The following CEMIP variants were observed in gnomAD, a reference collection of about 807,000 sequenced individuals.
CEMIP encodes the protein cell migration-inducing and hyaluronan-binding protein.
Under a neutral mutation model 156.9 loss-of-function variants are expected in CEMIP, and 105 were observed. The observed-to-expected ratio is 0.67, with a 90% confidence interval of 0.57 to 0.79. The LOEUF is 0.79. Among genes scored for constraint, CEMIP ranks in the 30% least tolerant of loss-of-function variants. CEMIP has a pLI of 0.00. For missense variants in CEMIP, 1,457 were observed against 1,769.4 expected (o/e 0.82, Z 3.17); for synonymous variants, 676 against 668.4 (o/e 1.01, Z -0.17).
intron 14 of CEMIP, among the ~76,000 whole-genome samples, chr15:80,914,337 C>T (rs1340384565): frequency 6.6e-6 from 1 of 152,206 alleles, no homozygotes; most frequent in Non-Finnish European, 1.5e-5. Flanking sequence ...ATACCATGCT[C>T]TTTCCTTCTT....
At chr15:80,924,757 C>G (rs1426674349) in intron 18 of CEMIP, 51 bp downstream of exon 18, 1 of 1,421,110 alleles carries the variant, frequency 7.0e-7, no homozygotes, top group Non-Finnish European at 9.9e-7. Flanking sequence ...CAGTCCAGCT[C>G]CTGCCTCCCC....
chr15:80,810,467 A>T (rs990340814), intron 1 of CEMIP, among the ~76,000 whole-genome samples: 1 of 152,190 alleles, frequency 6.6e-6, no homozygotes, highest in Admixed American at 6.5e-5. Flanking sequence ...TTCCGGATTC[A>T]TGCCATTCTC....
intron 1 of CEMIP, among the ~76,000 whole-genome samples, chr15:80,813,343 A>G (rs1896713308): frequency 6.8e-6 from 1 of 146,454 alleles, no homozygotes; most frequent in Non-Finnish European, 1.5e-5. Context: ...TAGGAGCAGC[A>G]GTACGGATTT....
chr15:80,812,437 T>C, intron 1 of CEMIP, among the ~76,000 whole-genome samples: 1 of 152,322 alleles, frequency 6.6e-6, no homozygotes, highest in African/African-American at 2.4e-5. Flanking sequence ...ATTCAAATCC[T>C]AGCTCCACCG....
In CEMIP at chr15:80,906,537, G is replaced by A. The variant is rs1262908500; in HGVS notation, c.1412-126G>A. On this transcript the variant is annotated intron_variant, in intron 12 of 29. Coordinates refer to ENST00000394685, the MANE Select transcript of CEMIP (RefSeq NM_001293298.2). The surrounding 1 kb of genome is among the most constrained non-coding windows in gnomAD (Gnocchi z 4.3). ...CCTGACCTTCATCCTTCTGTAACATGAGACCACTGTGCACACCAGGCATGG... is the reference window on the plus strand; with the variant it reads ...CCTGACCTTCATCCTTCTGTAACATAAGACCACTGTGCACACCAGGCATGG... 3.3e-6 allele frequency: 3 copies of A among 904,122 alleles called. No individual in the cohort carries two copies. The highest frequency in any genetic ancestry group is 5.0e-5 in the East Asian group (2 of 40,100). 56.0% of individuals were successfully genotyped at this position (904,122 alleles called of 1,614,324 possible).
chr15:80,870,752 TC>T (rs766628160), intron 1 of CEMIP, among the ~76,000 whole-genome samples: 1 of 152,208 alleles, frequency 6.6e-6, no homozygotes, highest in Non-Finnish European at 1.5e-5. Context: ...CAGCCGAGCT[TC>T]TGGAAAATTT....
chr15:80,910,327 T>C (rs1255960051), intron 14 of CEMIP, among the ~76,000 whole-genome samples: 2 of 152,194 alleles, frequency 1.3e-5, no homozygotes, highest in East Asian at 3.9e-4. Flanking sequence ...TTCTCCAGTG[T>C]GCAGCAGGCC....
At chr15:80,881,217 C>A in intron 6 of CEMIP, 81 bp downstream of exon 6, 1 of 1,244,882 alleles carries the variant, frequency 8.0e-7, no homozygotes, top group Non-Finnish European at 1.2e-6. Flanking sequence ...AGGTGCCGCT[C>A]TAGGTGCTGG....
chr15:80,926,508 G>C (rs567792150), intron 19 of CEMIP, among the ~76,000 whole-genome samples: 2 of 152,128 alleles, frequency 1.3e-5, no homozygotes, highest in Non-Finnish European at 2.9e-5. Context: ...AGGTGAAAGG[G>C]AACAAGAGAA....
chr15:80,832,935 A>G (rs905449787), intron 1 of CEMIP, among the ~76,000 whole-genome samples: 10 of 152,136 alleles, frequency 6.6e-5, no homozygotes, highest in African/African-American at 2.2e-4. Flanking sequence ...AAACCTCCCC[A>G]GGGGCTACAG....
At position 80,878,771 on chromosome 15, in the gene CEMIP, G is replaced by A. The variant is rs1898550832; in HGVS notation, c.145G>A (p.Gly49Ser). 1 of 1,614,002 alleles carries A rather than the reference G, an allele frequency of 6.2e-7. No homozygotes were observed. Among genetic ancestry groups the A allele is most frequent in the African/African-American group, 1.3e-5 (1 of 74,906 alleles). ...QSPELQPWNP[G>S]HDQDHHVHIG... ...CCCTGAGTTGCAACCCTGGAACCCTGGCCATGACCAAGACCACCATGTGCA... is the reference window on the plus strand; with the variant it reads ...CCCTGAGTTGCAACCCTGGAACCCTAGCCATGACCAAGACCACCATGTGCA... Residue 49 changes from glycine (G) to serine (S), a missense_variant, in exon 4 of 30, where the codon GGC becomes AGC. Gly to Ser is a moderately conservative substitution (Grantham distance 56, BLOSUM62 0). Around this residue, in one of 5 missense-constraint regions of CEMIP, gnomAD observed 309 missense variants for 340.8 expected, o/e 0.91. Coordinates refer to ENST00000394685, the MANE Select transcript of CEMIP (RefSeq NM_001293298.2).
chr15:80,903,303 C>G (rs1042403839), intron 12 of CEMIP: 1 of 152,260 alleles, frequency 6.6e-6, no homozygotes, highest in Non-Finnish European at 1.5e-5. Flanking sequence ...CGGGGAGGCT[C>G]GGCCTGGTTT....
chr15:80,892,651 C>T (rs896485197), intron 10 of CEMIP, among the ~76,000 whole-genome samples: 3 of 152,184 alleles, frequency 2.0e-5, no homozygotes, highest in East Asian at 3.9e-4. Context: ...GAGGTGCCCA[C>T]GGTGCAAAAT....
At chr15:80,841,712 T>C (rs1897424047) in intron 1 of CEMIP, among the ~76,000 whole-genome samples, 1 of 151,894 alleles carries the variant, frequency 6.6e-6, no homozygotes, top group Non-Finnish European at 1.5e-5. Flanking sequence ...CTCCAGGGGG[T>C]GTTGGCCAAT....
At chr15:80,926,067 G>C (rs1900654801) in intron 19 of CEMIP, among the ~76,000 whole-genome samples, 1 of 152,256 alleles carries the variant, frequency 6.6e-6, no homozygotes, top group Admixed American at 6.5e-5. Flanking sequence ...GAAGAAGAAA[G>C]AAGCCAGAAC....
chr15:80,907,895 G>A (rs936331112), intron 13 of CEMIP, among the ~76,000 whole-genome samples: 22 of 152,136 alleles, frequency 1.4e-4, no homozygotes, highest in African/African-American at 4.1e-4. Context: ...CTAATATCAC[G>A]CACTTTAAGG....
intron 1 of CEMIP, among the ~76,000 whole-genome samples, chr15:80,783,419 C>G (rs1254882735): frequency 4.6e-5 from 7 of 152,236 alleles, no homozygotes; most frequent in African/African-American, 1.7e-4. Flanking sequence ...CTATCTCTCA[C>G]TGCTTGTTTT....
rs777320543 is a variant in CEMIP at position 80,925,662 on chromosome 15, G to A, written c.2327G>A (p.Arg776Gln). The A allele has an allele frequency of 8.7e-6, 14 of 1,613,492 alleles. No homozygotes were observed. The African/African-American group carries it at 1.3e-4, about 15-fold the overall frequency. The stretch of plus-strand genomic sequence containing the variant: ...CAGGACGCCGACCCGCTGAAGCCCC[G>A]GGAGCCGGCCATCATCAGACACTTC... Reference protein sequence around the residue: ...PHQDADPLKPREPAIIRHFIA... With the variant: ...PHQDADPLKPQEPAIIRHFIA... The change falls in exon 19 of 30, where the codon CGG becomes CAG. Residue 776 changes from arginine to glutamine, a missense_variant. Coordinates refer to ENST00000394685, the MANE Select transcript of CEMIP (RefSeq NM_001293298.2).
Position 80,949,111 on chromosome 15 carries a change from G to A in CEMIP, c.*187G>A. 1 of 751,864 alleles carries A rather than the reference G, an allele frequency of 1.3e-6. No homozygotes were observed. Among genetic ancestry groups the A allele is most frequent in the Admixed American group, 2.1e-5 (1 of 47,856 alleles). 46.6% of individuals were successfully genotyped at this position (751,864 alleles called of 1,614,324 possible). ...TGCTGCCACCTGCCCCTACTCAAGT[G>A]TCTACCTGGAGCCCCTGGGGCGGTG... On this transcript the variant is annotated 3_prime_UTR_variant, in exon 30 of 30. Coordinates refer to ENST00000394685, the MANE Select transcript of CEMIP (RefSeq NM_001293298.2).
Sources: allele counts gnomAD v4.1 joint callset (sites outside exome capture counted in the v4.1 genomes callset), GRCh38; gene constraint gnomAD v4.1.1; regional missense constraint gnomAD v4.1.1; non-coding constraint Gnocchi (gnomAD v3.1); transcripts MANE v1.5; gene names NCBI Gene and HGNC (gene_info 2026-07-23, HGNC 2026-07-21).